The following MIER3 variants were observed in gnomAD, a reference collection of about 807,000 sequenced individuals.
The protein encoded by MIER3 is MIER family member 3.
In MIER3, 9 loss-of-function variants were observed where a neutral mutation model predicts 63.2. The observed-to-expected ratio is 0.14, with a 90% confidence interval of 0.09 to 0.25. The LOEUF (loss-of-function observed/expected upper bound fraction) is 0.25. Ranked by LOEUF, MIER3 falls within the 10% of genes least tolerant of loss-of-function variation. The probability of loss-of-function intolerance (pLI) is 1.00; values close to 1 mark genes in which losing one functional copy is unlikely to be tolerated. For missense variants in MIER3, 512 were observed against 666.2 expected (o/e 0.77, Z 2.55); for synonymous variants, 205 against 224.9 (o/e 0.91, Z 0.79).
chr5:56,935,402 T>C (rs1750407972), intron 7 of MIER3, 26 bp downstream of exon 7: 1 of 1,535,940 alleles, frequency 6.5e-7, no homozygotes, highest in African/African-American at 1.4e-5. Flanking sequence ...CTACCAAACA[T>C]TATCAAAATC....
Position 56,946,952 on chromosome 5 carries a change from T to G in MIER3, c.154A>C (p.Ser52Arg), listed in dbSNP as rs1750846466. 6.3e-7 allele frequency: 1 copy of G among 1,594,664 alleles called. No homozygotes were observed. The highest frequency in any genetic ancestry group is 8.5e-7 in the Non-Finnish European group (1 of 1,173,124). The change falls in exon 3 of 13, where the codon AGT (serine) becomes CGT (arginine). Residue 52 changes from serine (S) to arginine (R), a missense_variant. Transcript: ENST00000381199. ...TTTTCTAAGTCTTCAATTTCTGAAC[T>G]GAAGTTTTTACCCTCATCCATCATT... is the stretch of plus-strand genomic sequence containing the variant. ...EEMMDEGKNF[S>R]SEIEDLEKEG...
At chr5:56,931,132 AGTTTT>A (rs1269111309) in intron 8 of MIER3, among the ~76,000 whole-genome samples, 2 of 152,182 alleles carry the variant, frequency 1.3e-5, no homozygotes, top group Non-Finnish European at 2.9e-5. Context: ...TGTCTCTTTT[AGTTTT>A]AATATAAGGG....
At chr5:56,928,081 C>G (rs1369485352) in intron 10 of MIER3, 1 of 152,112 alleles carries the variant, frequency 6.6e-6, no homozygotes, top group Non-Finnish European at 1.5e-5. Context: ...TAGTCCAGTT[C>G]TGGAGGTGCC....
intron 8 of MIER3, 120 bp downstream of exon 8, chr5:56,933,127 A>G (rs1357783448): frequency 1.8e-6 from 2 of 1,092,194 alleles, no homozygotes; most frequent in South Asian, 2.5e-5. Context: ...TATTTTGCAT[A>G]TTTTAAAACT....
intron 3 of MIER3, among the ~76,000 whole-genome samples, chr5:56,942,983 A>AT (rs1488903504): frequency 5.3e-5 from 8 of 151,906 alleles, no homozygotes; most frequent in Non-Finnish European, 7.4e-5. Flanking sequence ...CTATAAAAAA[A>AT]ATTTTTTTTT....
chr5:56,938,773 G>A, intron 4 of MIER3, 110 bp downstream of exon 4: 1 of 1,393,804 alleles, frequency 7.2e-7, no homozygotes, highest in African/African-American at 1.5e-5. Flanking sequence ...TAAGCACAAT[G>A]GGTCAACAAG....
chr5:56,949,815 C>T (rs781176416), intron 2 of MIER3, among the ~76,000 whole-genome samples: 4 of 152,096 alleles, frequency 2.6e-5, no homozygotes, highest in African/African-American at 4.8e-5. Flanking sequence ...AGGTGCTTTT[C>T]CTGTAGACTA....
chr5:56,923,860 T>C, intron 11 of MIER3, 27 bp from the exon 12 acceptor site: 2 of 1,614,088 alleles, frequency 1.2e-6, no homozygotes, highest in Non-Finnish European at 1.7e-6. Context: ...AGTAATTTTA[T>C]GACTATATAT....
chr5:56,923,451 G>C lies in MIER3; in HGVS notation c.1330C>G (p.Leu444Val). ...CAATCACTTTCCCCATTGCTGGGCA[G>C]GGTGAGTAACTCTTCTGTTACAACA... ...VPVVTEELLT[L>V]PSNGESDCFN... Residue 444 changes from leucine (L) to valine (V), a missense_variant, in exon 13 of 13, where the codon CTG becomes GTG. Physicochemically the swap from Leu to Val is conservative, Grantham distance 32 (BLOSUM62 1). Around this residue, in one of 5 missense-constraint regions of MIER3, gnomAD observed 218 missense variants for 251.2 expected, o/e 0.87. Coordinates refer to ENST00000381199, the MANE Select transcript of MIER3 (RefSeq NM_001297599.2). The C allele has an allele frequency of 6.2e-7, 1 of 1,614,178 alleles. No individual in the cohort carries two copies. Among genetic ancestry groups the C allele is most frequent in the South Asian group, 1.1e-5 (1 of 91,088 alleles).
intron 5 of MIER3, among the ~76,000 whole-genome samples, chr5:56,936,216 C>CA (rs112687216): frequency 4.1e-5 from 6 of 147,098 alleles, no homozygotes; most frequent in Middle Eastern, 3.4e-3. Context: ...GACTCCATCT[C>CA]AAAAAAAAAA....
chr5:56,950,550 G>A (rs990472519), intron 2 of MIER3, 78 bp downstream of exon 2: 27 of 1,437,748 alleles, frequency 1.9e-5, no homozygotes, highest in Non-Finnish European at 2.5e-5. Context: ...CATTTCTATT[G>A]GGAATCCTTT....
chr5:56,933,520 C>A, intron 7 of MIER3, 122 bp from the exon 8 acceptor site: 4 of 857,922 alleles, frequency 4.7e-6, no homozygotes, highest in South Asian at 2.3e-5. Context: ...TTTGAAGACA[C>A]CAGTAATCCG....
At chr5:56,950,129 CTT>C (rs1405851489) in intron 2 of MIER3, among the ~76,000 whole-genome samples, 1 of 152,126 alleles carries the variant, frequency 6.6e-6, no homozygotes, top group African/African-American at 2.4e-5. Context: ...GAAGTTCTGT[CTT>C]TTTTATTAAG....
At chr5:56,949,948 CCAG>C (rs2112157778) in intron 2 of MIER3, among the ~76,000 whole-genome samples, 1 of 152,280 alleles carries the variant, frequency 6.6e-6, no homozygotes, top group South Asian at 2.1e-4. Flanking sequence ...TCTACAAACC[CCAG>C]ATTGTGTGTA....
chr5:56,945,052 G>A (rs1036240438), intron 3 of MIER3, among the ~76,000 whole-genome samples: 4 of 152,086 alleles, frequency 2.6e-5, no homozygotes, highest in African/African-American at 4.8e-5. Flanking sequence ...AAGTTAAATG[G>A]TAGAAAAAGT....
At chr5:56,947,211 G>T in intron 2 of MIER3, 140 bp from the exon 3 acceptor site, 2 of 818,934 alleles carry the variant, frequency 2.4e-6, no homozygotes, top group Non-Finnish European at 3.6e-6. Flanking sequence ...TAATTTATAG[G>T]TTATAAATTA....
chr5:56,933,498 C>T, intron 7 of MIER3, 100 bp from the exon 8 acceptor site: 5 of 1,131,832 alleles, frequency 4.4e-6, no homozygotes, highest in Non-Finnish European at 6.1e-6. Flanking sequence ...TCCAGTGGGA[C>T]AAGTAAATAA....
At chr5:56,933,495 G>T in intron 7 of MIER3, 97 bp from the exon 8 acceptor site, 1 of 1,161,446 alleles carries the variant, frequency 8.6e-7, no homozygotes, top group Non-Finnish European at 1.2e-6. Flanking sequence ...CTATCCAGTG[G>T]GACAAGTAAA....
intron 3 of MIER3, among the ~76,000 whole-genome samples, chr5:56,942,917 A>G (rs1398570931): frequency 6.6e-6 from 1 of 152,132 alleles, no homozygotes; most frequent in East Asian, 1.9e-4. Flanking sequence ...ACGCCAAGGT[A>G]GGATTGCTCG....
Sources: gnomAD v4.1 joint callset for allele counts (sites outside exome capture counted in the v4.1 genomes callset) on GRCh38, gnomAD v4.1.1 for gene constraint, gnomAD v4.1.1 regional missense constraint, MANE v1.5 for transcripts, NCBI Gene and HGNC (gene_info 2026-07-23, HGNC 2026-07-21) for gene names.